The following TMC1 variants were observed in gnomAD, a reference collection of about 807,000 sequenced individuals.
TMC1 encodes transmembrane channel-like protein 1.
In TMC1, 84 loss-of-function variants were observed where a neutral mutation model predicts 105.8. The ratio of observed to expected loss-of-function variants is 0.79; its 90% confidence interval spans 0.67 to 0.95. The LOEUF (loss-of-function observed/expected upper bound fraction) is 0.95, where lower values mean the gene tolerates loss of function less well. TMC1 is among the 40% of genes least tolerant of loss of function. The probability of loss-of-function intolerance (pLI) is 0.00; values close to 1 mark genes in which losing one functional copy is unlikely to be tolerated. For missense variants in TMC1, 817 were observed against 914.1 expected (o/e 0.89, Z 1.37); for synonymous variants, 315 against 311.5 (o/e 1.01, Z -0.12).
At chr9:72,692,619 T>G (rs946419255) in intron 6 of TMC1, among the ~76,000 whole-genome samples, 1 of 152,202 alleles carries the variant, frequency 6.6e-6, no homozygotes, top group Non-Finnish European at 1.5e-5. Context: ...TTGTGAGTTA[T>G]TAGTGGGTAA....
chr9:72,613,892 A>G (rs1247686390), intron 2 of TMC1, among the ~76,000 whole-genome samples: 2 of 152,124 alleles, frequency 1.3e-5, no homozygotes, highest in African/African-American at 2.4e-5. Flanking sequence ...TGATTGGAAA[A>G]GGTAGGCTGG....
At chr9:72,621,746 G>C (rs1825253674) in intron 3 of TMC1, among the ~76,000 whole-genome samples, 1 of 151,718 alleles carries the variant, frequency 6.6e-6, no homozygotes, top group African/African-American at 2.4e-5. Flanking sequence ...TTGTGCTTAG[G>C]CTTCCTTCAT....
At chr9:72,710,189 T>G (rs907685019) in intron 8 of TMC1, among the ~76,000 whole-genome samples, 2 of 152,222 alleles carry the variant, frequency 1.3e-5, no homozygotes, top group Non-Finnish European at 2.9e-5. Context: ...CCAATTTTAT[T>G]CCACTGTGGT....
chr9:72,649,526 A>T (rs1373632898), intron 5 of TMC1, among the ~76,000 whole-genome samples: 2 of 152,198 alleles, frequency 1.3e-5, no homozygotes, highest in African/African-American at 4.8e-5. Flanking sequence ...CTTCAGGCTC[A>T]TATCTTGGGA....
chr9:72,752,302 C>G (rs985412902), intron 11 of TMC1, among the ~76,000 whole-genome samples: 6 of 152,132 alleles, frequency 3.9e-5, no homozygotes, highest in African/African-American at 1.4e-4. Flanking sequence ...ACTTTGACAC[C>G]TTGTGAGTTG....
intron 1 of TMC1, among the ~76,000 whole-genome samples, chr9:72,570,265 G>GTGTGTC (rs397946870): frequency 1.4e-5 from 2 of 146,436 alleles, no homozygotes; most frequent in African/African-American, 5.1e-5. Context: ...GTGTGTGTGT[G>GTGTGTC]GTAAATACTT....
intron 6 of TMC1, among the ~76,000 whole-genome samples, chr9:72,692,738 A>G (rs1014370639): frequency 5.9e-5 from 9 of 152,186 alleles, no homozygotes; most frequent in Admixed American, 5.2e-4. Flanking sequence ...TTCAAATAAC[A>G]TACATTTGCC....
intron 13 of TMC1, among the ~76,000 whole-genome samples, chr9:72,777,570 T>C (rs530634754): frequency 6.6e-6 from 1 of 152,312 alleles, no homozygotes; most frequent in Non-Finnish European, 1.5e-5. Context: ...TAGTTGACCT[T>C]ATTTCAAAAA....
chr9:72,701,243 G>A (rs1034607666), intron 8 of TMC1, among the ~76,000 whole-genome samples: 1 of 152,186 alleles, frequency 6.6e-6, no homozygotes, highest in African/African-American at 2.4e-5. Context: ...TATGCTAATA[G>A]CTATTCCCCG....
chr9:72,541,498 A>G (rs1300416193), intron 1 of TMC1, among the ~76,000 whole-genome samples: 1 of 151,930 alleles, frequency 6.6e-6, no homozygotes, highest in African/African-American at 2.4e-5. Flanking sequence ...GACCAGCCTG[A>G]CAAATATGAT....
chr9:72,632,650 C>T (rs951784096), intron 4 of TMC1, among the ~76,000 whole-genome samples: 1 of 152,020 alleles, frequency 6.6e-6, no homozygotes, highest in East Asian at 1.9e-4. Context: ...GCAAATGACC[C>T]TGCATTGAAA....
At chr9:72,835,915 G>GTTTTTTTTTTTTCTTTTTT in intron 23 of TMC1, 36 bp from the exon 24 acceptor site, 1 of 1,314,682 alleles carries the variant, frequency 7.6e-7, no homozygotes, top group Admixed American at 2.2e-5. Flanking sequence ...CTCTCTCCTT[G>GTTTTTTTTTTTTCTTTTTT]TTTTTTTTTT....
At chr9:72,759,373 C>T (rs533199051) in intron 12 of TMC1, among the ~76,000 whole-genome samples, 4 of 152,230 alleles carry the variant, frequency 2.6e-5, no homozygotes, top group Admixed American at 1.3e-4. Flanking sequence ...CCCCAAGTCC[C>T]GTCTCCAGCA....
chr9:72,799,228 G>A (rs1181091967), intron 17 of TMC1, among the ~76,000 whole-genome samples: 1 of 152,068 alleles, frequency 6.6e-6, no homozygotes, highest in Admixed American at 6.5e-5. Context: ...ATTGAGAACA[G>A]CTTTTGTCAT....
At chr9:72,664,151 A>G (rs770702023) in intron 5 of TMC1, among the ~76,000 whole-genome samples, 34 of 152,244 alleles carry the variant, frequency 2.2e-4, no homozygotes, top group Admixed American at 2.0e-4. Context: ...AACGATTAAG[A>G]GTATTGTACA....
intron 4 of TMC1, among the ~76,000 whole-genome samples, chr9:72,635,370 C>T (rs989091572): frequency 6.6e-6 from 1 of 152,152 alleles, no homozygotes; most frequent in Non-Finnish European, 1.5e-5. Flanking sequence ...GCTGAAAGTT[C>T]CAACTCTAAC....
chr9:72,628,360 C>G lies in TMC1; in HGVS notation c.-53+297C>G, dbSNP rs1587998862. 3 of 202,426 alleles carry G rather than the reference C, an allele frequency of 1.5e-5. 1 individual carries two copies. In the East Asian group the frequency reaches 4.2e-4, roughly 28 times the overall value. 12.5% of individuals were successfully genotyped at this position (202,426 alleles called of 1,614,324 possible). A position where few individuals can be genotyped will look rare whatever the true frequency, so the allele number is the denominator to read the frequency against. ...ATCCTCAACTGTATAGTTTTTATGA[C>G]TTTTCCTGTGTTCATCTGGTTGGCA... On this transcript the variant is annotated intron_variant, in intron 4 of 23. Coordinates refer to ENST00000297784, the MANE Select transcript of TMC1 (RefSeq NM_138691.3).
intron 8 of TMC1, among the ~76,000 whole-genome samples, chr9:72,717,495 G>C (rs1826941322): frequency 6.6e-6 from 1 of 152,068 alleles, no homozygotes; most frequent in Admixed American, 6.6e-5. Flanking sequence ...TATAGTGCTG[G>C]CTTGGTAGTG....
intron 8 of TMC1, among the ~76,000 whole-genome samples, chr9:72,723,679 GT>G (rs922774233): frequency 6.6e-6 from 1 of 151,968 alleles, no homozygotes; most frequent in South Asian, 2.1e-4. Context: ...AAAAATTATT[GT>G]TTTTTTTCCT....
Sources: gnomAD v4.1 joint callset for allele counts (sites outside exome capture counted in the v4.1 genomes callset) on GRCh38, gnomAD v4.1.1 for gene constraint, MANE v1.5 for transcripts, NCBI Gene and HGNC (gene_info 2026-07-23, HGNC 2026-07-21) for gene names.